Variants in UNC80 observed in about 807,000 individuals in gnomAD.
The protein encoded by UNC80 is unc-80 subunit of NALCN channel complex.
In UNC80, 164 loss-of-function variants were observed where a neutral mutation model predicts 384.6. The ratio of observed to expected loss-of-function variants is 0.43; its 90% CI spans 0.38 to 0.49. UNC80 has a LOEUF of 0.49. UNC80 is among the 20% of genes least tolerant of loss of function. The pLI, the probability that UNC80 is intolerant of heterozygous loss-of-function variation, is 0.00. For missense variants in UNC80, 3,330 were observed against 4,143.0 expected (o/e 0.80, Z 5.39); for synonymous variants, 1,486 against 1,527.8 (o/e 0.97, Z 0.64).
intron 38 of UNC80, among the ~76,000 whole-genome samples, chr2:209,932,869 A>T (rs2090987183): frequency 6.6e-6 from 1 of 152,128 alleles, no homozygotes; most frequent in Non-Finnish European, 1.5e-5. Context: ...AGGACTTTCT[A>T]TCTGGTCCTA....
chr2:209,954,099 G>C lies in UNC80; in HGVS notation c.7287-1G>C, dbSNP rs1455910574. On this transcript the variant is annotated splice_acceptor_variant, in intron 47 of 64. Transcript: ENST00000673920. LOFTEE classifies it high-confidence loss of function. The stretch of plus-strand genomic sequence containing the variant: ...CTCGGTTTTCTTTCTGTCGCTTAAA[G>C]TCTTCAGATGCTGATGGTCTTAGAA... 6.5e-7 allele frequency: 1 copy of C among 1,544,340 alleles called. No homozygotes were observed. The highest frequency in any genetic ancestry group is 8.7e-7 in the Non-Finnish European group (1 of 1,145,074).
intron 47 of UNC80, chr2:209,951,657 G>GT (rs1251632531): frequency 1.3e-5 from 2 of 152,122 alleles, no homozygotes; most frequent in Non-Finnish European, 2.9e-5. Context: ...GTTTTAAGCA[G>GT]TTTGACTGTG....
intron 22 of UNC80, among the ~76,000 whole-genome samples, chr2:209,861,284 T>A (rs1051784548): frequency 6.6e-6 from 1 of 152,242 alleles, no homozygotes; most frequent in Non-Finnish European, 1.5e-5. Flanking sequence ...TCAAAGGCCT[T>A]TCTGCACCTA....
intron 9 of UNC80, among the ~76,000 whole-genome samples, chr2:209,816,209 A>G (rs1162772246): frequency 6.6e-6 from 1 of 152,238 alleles, no homozygotes; most frequent in African/African-American, 2.4e-5. Context: ...GCTTTAAAAA[A>G]TACATCTTCA....
In UNC80 at chr2:209,820,722, C is replaced by G. The variant is rs1173795807; in HGVS notation, c.2331+43C>G. The G allele has an allele frequency of 2.0e-6, 3 of 1,467,934 alleles. No individual in the cohort carries two copies. The African/African-American group carries it at 4.3e-5, about 21-fold the overall frequency. The allele number at this position is 1,467,934 out of a possible 1,614,324, so 90.9% of individuals were successfully genotyped here. A position where few individuals can be genotyped will look rare whatever the true frequency, so the allele number is the denominator to read the frequency against. ...TATGTGTCCTCATGAAATGTCATACCTAATTTCTTTCTAAAGCTTGCTTGC... is the reference window on the plus strand; with the variant it reads ...TATGTGTCCTCATGAAATGTCATACGTAATTTCTTTCTAAAGCTTGCTTGC... On this transcript the variant is annotated intron_variant, in intron 13 of 64. Coordinates refer to ENST00000673920, the MANE Select transcript of UNC80 (RefSeq NM_001371986.1).
intron 22 of UNC80, among the ~76,000 whole-genome samples, chr2:209,856,941 C>T (rs2082978582): frequency 6.6e-6 from 1 of 152,062 alleles, no homozygotes. Flanking sequence ...AGGCACCCGC[C>T]ACCATGCCTG....
At chr2:209,965,930 G>T (rs1375286857) in intron 51 of UNC80, among the ~76,000 whole-genome samples, 2 of 141,992 alleles carry the variant, frequency 1.4e-5, no homozygotes, top group African/African-American at 5.4e-5. Flanking sequence ...GTACAAACTT[G>T]TCTCAAAAAA....
chr2:209,944,154 T>C (rs1483693045), intron 45 of UNC80, among the ~76,000 whole-genome samples: 1 of 152,226 alleles, frequency 6.6e-6, no homozygotes, highest in Non-Finnish European at 1.5e-5. Flanking sequence ...AACATTCCTC[T>C]TCAGCTTTCA....
rs2093072579 is a variant in UNC80, at chr2:209,978,608, C to T, written c.9018C>T (p.Arg3006=). ...GCCTGAGCTTGGCCACCATGTCCCGCTCTAACACGGGCACGGGCACTGTCT... is the reference window on the plus strand; with the variant it reads ...GCCTGAGCTTGGCCACCATGTCCCGTTCTAACACGGGCACGGGCACTGTCT... ...AYRLSLATMS[R]SNTGTGTVWE... The change falls in exon 59 of 65, where the codon CGC becomes CGT. Residue 3006 remains arginine, a synonymous_variant. Transcript: ENST00000673920. 1.3e-6 allele frequency: 2 copies of T among 1,551,506 alleles called. No individual in the cohort carries two copies. Among genetic ancestry groups the T allele is most frequent in the Non-Finnish European group, 1.7e-6 (2 of 1,146,926 alleles).
At chr2:209,838,820 G>A (rs2081531990) in intron 18 of UNC80, among the ~76,000 whole-genome samples, 1 of 152,124 alleles carries the variant, frequency 6.6e-6, no homozygotes, top group Non-Finnish European at 1.5e-5. Context: ...AATTAGCCGG[G>A]TGTGGTGGCA....
Position 209,937,627 on chromosome 2 carries a change from A to G in UNC80, c.6462A>G (p.Lys2154=). 2 of 1,548,540 alleles carry G rather than the reference A, an allele frequency of 1.3e-6. No homozygotes were observed. The highest frequency in any genetic ancestry group is 1.7e-6 in the Non-Finnish European group (2 of 1,143,808). Reference sequence around the variant, plus strand: ...AGAAGGGACAGGAGCTCATTCAGAAACAGGTGACAGACCACGTCAGTTTTA... The same window carrying G: ...AGAAGGGACAGGAGCTCATTCAGAAGCAGGTGACAGACCACGTCAGTTTTA... ...HPEKGQELIQ[K]QVFTRKLEEV... Residue 2154 remains lysine (K), a synonymous_variant, in exon 42 of 65, where the codon AAA becomes AAG. Coordinates refer to ENST00000673920, the MANE Select transcript of UNC80 (RefSeq NM_001371986.1).
intron 51 of UNC80, among the ~76,000 whole-genome samples, chr2:209,965,658 T>C: frequency 6.6e-6 from 1 of 152,042 alleles, no homozygotes; most frequent in East Asian, 1.9e-4. Flanking sequence ...CCTGACCTCG[T>C]GATCCACCTG....
intron 51 of UNC80, among the ~76,000 whole-genome samples, chr2:209,962,332 G>C (rs2092619701): frequency 6.6e-6 from 1 of 152,112 alleles, no homozygotes; most frequent in Non-Finnish European, 1.5e-5. Context: ...AGAGAGGAGG[G>C]CAGGAGAAGA....
At chr2:209,802,326 G>T (rs976813063) in intron 7 of UNC80, among the ~76,000 whole-genome samples, 2 of 152,084 alleles carry the variant, frequency 1.3e-5, no homozygotes, top group Non-Finnish European at 2.9e-5. Flanking sequence ...CACAAAAAAA[G>T]TATGTGAGAT....
At chr2:209,879,089 A>G (rs1559250937) in intron 24 of UNC80, among the ~76,000 whole-genome samples, 1 of 152,080 alleles carries the variant, frequency 6.6e-6, no homozygotes, top group South Asian at 2.1e-4. Context: ...GACCTTATCA[A>G]ATCAGAGCAA....
intron 21 of UNC80, among the ~76,000 whole-genome samples, chr2:209,848,537 G>T (rs1417060981): frequency 6.6e-6 from 1 of 152,090 alleles, no homozygotes; most frequent in East Asian, 1.9e-4. Flanking sequence ...AAATAATTTA[G>T]AAATGGCCAT....
chr2:209,935,801 T>C lies in UNC80; in HGVS notation c.6266T>C (p.Leu2089Pro), dbSNP rs1017052801. The change falls in exon 40 of 65, where the codon CTG becomes CCG. Residue 2089 changes from leucine (L) to proline (P), a missense_variant. Leu to Pro is a moderately conservative substitution (Grantham distance 98). This residue lies in a region of UNC80 where 1,049 missense variants were observed against 1,488.6 expected (regional missense o/e 0.70). Coordinates refer to ENST00000673920, the MANE Select transcript of UNC80 (RefSeq NM_001371986.1). Reference sequence around the variant, plus strand: ...CATGAAGACACTCAATTTGAAGCCCTGTTGAAGGTAGGAATGACTTTTAAC... The same window carrying C: ...CATGAAGACACTCAATTTGAAGCCCCGTTGAAGGTAGGAATGACTTTTAAC... ...PVHEDTQFEA[L>P]LKECLEFFNI... 32 of 1,538,600 alleles carry C rather than the reference T, an allele frequency of 2.1e-5. No homozygotes were observed. The highest frequency in any genetic ancestry group is 2.8e-5 in the Non-Finnish European group (32 of 1,141,572).
At chr2:209,898,526 A>G (rs537134113) in intron 28 of UNC80, among the ~76,000 whole-genome samples, 1 of 152,292 alleles carries the variant, frequency 6.6e-6, no homozygotes, top group African/African-American at 2.4e-5. Flanking sequence ...TTTGTGGGGT[A>G]CATGAGGTGT....
intron 21 of UNC80, among the ~76,000 whole-genome samples, chr2:209,843,505 T>C (rs2081922342): frequency 6.6e-6 from 1 of 152,180 alleles, no homozygotes; most frequent in South Asian, 2.1e-4. Context: ...ACAGAATCAA[T>C]AATTTTGAGG....
Sources: allele counts gnomAD v4.1 joint callset (sites outside exome capture counted in the v4.1 genomes callset), GRCh38; gene constraint gnomAD v4.1.1; regional missense constraint gnomAD v4.1.1; transcripts MANE v1.5; gene names NCBI Gene and HGNC (gene_info 2026-07-23, HGNC 2026-07-21).